PCDH15: variants seen among roughly 807,000 people sequenced by gnomAD.
PCDH15 encodes protocadherin related 15, also known as protocadherin-15.
PCDH15 carries 129 observed loss-of-function variants against 178.5 expected under a neutral mutation model. The ratio of observed to expected loss-of-function variants is 0.72; its 90% CI spans 0.63 to 0.84. The LOEUF (loss-of-function observed/expected upper bound fraction) is 0.84, where lower values mean the gene tolerates loss of function less well. Ranked by LOEUF, PCDH15 falls within the 40% of genes least tolerant of loss-of-function variation. The probability of loss-of-function intolerance (pLI) is 0.00; values close to 1 mark genes in which losing one functional copy is unlikely to be tolerated. For missense variants in PCDH15, 2,230 were observed against 2,099.9 expected (o/e 1.06, Z -1.21); for synonymous variants, 800 against 732.0 (o/e 1.09, Z -1.50).
At chr10:55,433,693 T>G (rs1442005130) in intron 2 of PCDH15, among the ~76,000 whole-genome samples, 1 of 152,188 alleles carries the variant, frequency 6.6e-6, no homozygotes, top group African/African-American at 2.4e-5. Context: ...TTATGATTTA[T>G]AATTTTTATA....
Position 54,765,846 on chromosome 10 carries a change from C to G in PCDH15, c.-29+35079G>C, listed in dbSNP as rs576193952. ...CCAGAGGGTAATGATATTGAGAAAG[C>G]TTTGCCATTGGAAACACAATTTCAT... On this transcript the variant is annotated intron_variant, in intron 1 of 37. Transcript: ENST00000644397. Among the ~76,000 whole-genome samples the G allele has an allele frequency of 7.2e-5, 11 of 152,238 alleles. No individual in the cohort carries two copies. The South Asian group carries it at 2.3e-3, about 32-fold the overall frequency.
intron 26 of PCDH15, among the ~76,000 whole-genome samples, chr10:53,895,904 G>GT (rs1407412721): frequency 6.6e-6 from 1 of 152,088 alleles, no homozygotes; most frequent in Non-Finnish European, 1.5e-5. Context: ...GGGAAGCAAT[G>GT]TAAGAGGTTA....
intron 10 of PCDH15, among the ~76,000 whole-genome samples, chr10:54,196,685 A>G (rs751442490): frequency 2.6e-5 from 4 of 152,180 alleles, no homozygotes; most frequent in Admixed American, 6.5e-5. Flanking sequence ...TCGTAAGTTG[A>G]AATTTTAACC....
intron 1 of PCDH15, among the ~76,000 whole-genome samples, chr10:54,725,888 TA>T (rs201920592): frequency 2.7e-5 from 4 of 147,108 alleles, no homozygotes; most frequent in Admixed American, 6.9e-5. Context: ...TCAGTTCTGG[TA>T]AAAAAAAATT....
intron 3 of PCDH15, among the ~76,000 whole-genome samples, chr10:54,825,886 T>TA (rs1189210372): frequency 6.6e-5 from 10 of 152,094 alleles, no homozygotes; most frequent in African/African-American, 2.4e-4. Flanking sequence ...CTTAAACATG[T>TA]AAAACATCAG....
chr10:54,097,301 TTTTAC>T (rs2094718202), intron 15 of PCDH15, among the ~76,000 whole-genome samples: 1 of 152,200 alleles, frequency 6.6e-6, no homozygotes, highest in Admixed American at 6.5e-5. Flanking sequence ...TGTCTGTTTC[TTTTAC>T]TTTACTCTGT....
chr10:54,458,598 C>T (rs1163692773), intron 3 of PCDH15, among the ~76,000 whole-genome samples: 2 of 151,986 alleles, frequency 1.3e-5, no homozygotes, highest in African/African-American at 2.4e-5. Flanking sequence ...TTTCCTATGG[C>T]TAATAGTTTA....
chr10:54,293,376 C>T (rs2133066930), intron 8 of PCDH15, among the ~76,000 whole-genome samples: 1 of 152,186 alleles, frequency 6.6e-6, no homozygotes, highest in African/African-American at 2.4e-5. Flanking sequence ...AGAGGAAAAC[C>T]TAGGCAATAC....
At chr10:54,885,238 T>A (rs936917680) in intron 3 of PCDH15, among the ~76,000 whole-genome samples, 2 of 151,894 alleles carry the variant, frequency 1.3e-5, no homozygotes, top group African/African-American at 2.4e-5. Context: ...CCTAGAAAAA[T>A]TTCATATTTG....
chr10:54,774,072 A>C (rs1273161173), intron 1 of PCDH15, among the ~76,000 whole-genome samples: 1 of 116,568 alleles, frequency 8.6e-6, no homozygotes, highest in Non-Finnish European at 1.6e-5. Flanking sequence ...TCTGTCTCCC[A>C]GGCTGGAGTG....
chr10:54,376,235 A>G (rs1211723124), intron 4 of PCDH15, among the ~76,000 whole-genome samples: 1 of 151,910 alleles, frequency 6.6e-6, no homozygotes, highest in Non-Finnish European at 1.5e-5. Context: ...TAAAAGAACA[A>G]CCAAAAAACT....
At chr10:54,500,092 C>A (rs2080516040) in intron 3 of PCDH15, among the ~76,000 whole-genome samples, 4 of 152,160 alleles carry the variant, frequency 2.6e-5, no homozygotes, top group Non-Finnish European at 5.9e-5. Flanking sequence ...GATACATATA[C>A]AGCATGGAAT....
chr10:55,302,835 C>T (rs1843320258), intron 1 of PCDH15, among the ~76,000 whole-genome samples: 1 of 152,044 alleles, frequency 6.6e-6, no homozygotes, highest in Non-Finnish European at 1.5e-5. Flanking sequence ...ACTAAATCTT[C>T]AAGCAAAGAC....
chr10:55,594,256 C>T (rs1842899553), intron 2 of PCDH15, among the ~76,000 whole-genome samples: 1 of 151,734 alleles, frequency 6.6e-6, no homozygotes, highest in Non-Finnish European at 1.5e-5. Context: ...TTAAGTCATT[C>T]ACAGATGTGT....
intron 2 of PCDH15, among the ~76,000 whole-genome samples, chr10:55,056,049 A>T (rs181849830): frequency 1.3e-5 from 2 of 152,258 alleles, no homozygotes; most frequent in East Asian, 3.9e-4. Flanking sequence ...AACCCAATGT[A>T]CCACCTTGCA....
At chr10:54,306,552 G>A (rs2060482757) in intron 8 of PCDH15, among the ~76,000 whole-genome samples, 1 of 151,934 alleles carries the variant, frequency 6.6e-6, no homozygotes, top group African/African-American at 2.4e-5. Context: ...TCAACTGACT[G>A]GATGCAGCCA....
At chr10:55,598,551 T>TATAGATAGATAGATAGATAG (rs1554803034) in intron 2 of PCDH15, among the ~76,000 whole-genome samples, 8 of 64,910 alleles carry the variant, frequency 1.2e-4, no homozygotes, top group African/African-American at 5.3e-4. Context: ...TATATATATA[T>TATAGATAGATAGATAGATAG]ATATATATAT....
At chr10:55,570,044 T>A (rs1842376579) in intron 2 of PCDH15, among the ~76,000 whole-genome samples, 1 of 152,056 alleles carries the variant, frequency 6.6e-6, no homozygotes, top group South Asian at 2.1e-4. Flanking sequence ...AATAGAGCTT[T>A]TTTTTCTCAA....
chr10:54,604,283 G>A (rs775274470), intron 2 of PCDH15, among the ~76,000 whole-genome samples: 8 of 151,874 alleles, frequency 5.3e-5, no homozygotes, highest in Non-Finnish European at 1.0e-4. Flanking sequence ...GTAGATGTCT[G>A]TTAGGTTAAT....
Sources: allele counts gnomAD v4.1 joint callset (sites outside exome capture counted in the v4.1 genomes callset), GRCh38; gene constraint gnomAD v4.1.1; transcripts MANE v1.5; gene names NCBI Gene and HGNC (gene_info 2026-07-23, HGNC 2026-07-21).